RARB: variants seen among roughly 807,000 people sequenced by gnomAD.
RARB encodes the protein retinoic acid receptor beta.
Under a neutral mutation model 51.9 loss-of-function variants are expected in RARB, and 17 were observed. That is an observed-to-expected ratio of 0.33 (90% CI 0.22 to 0.49). RARB has a LOEUF of 0.49. Among genes scored for constraint, RARB ranks in the 20% least tolerant of loss-of-function variants. The pLI is 0.99. For synonymous variants in RARB, 215 were observed against 195.4 expected, an observed-to-expected ratio of 1.10 and a Z score of -0.84; for missense variants, 369 against 550.8, an observed-to-expected ratio of 0.67 and a Z score of 3.30.
At chr3:24,973,322 C>A (rs545657025) in intron 2 of RARB, among the ~76,000 whole-genome samples, 2 of 151,982 alleles carry the variant, frequency 1.3e-5, no homozygotes, top group South Asian at 4.2e-4. Context: ...CTATTCTGTT[C>A]CACTGATCTA....
At chr3:25,063,339 G>A (rs1390809461) in intron 3 of RARB, among the ~76,000 whole-genome samples, 1 of 151,976 alleles carries the variant, frequency 6.6e-6, no homozygotes, top group Non-Finnish European at 1.5e-5. Flanking sequence ...GTATCTCTTT[G>A]TAACTGAGAG....
intron 5 of RARB, among the ~76,000 whole-genome samples, chr3:25,329,475 G>A (rs550271425): frequency 6.6e-6 from 1 of 152,062 alleles, no homozygotes; most frequent in South Asian, 2.1e-4. Context: ...CTAATAAACA[G>A]AAAGGACATC....
Position 25,017,934 on chromosome 3 carries a change from C to G in RARB, c.-379-42191C>G, listed in dbSNP as rs141974832. Among the ~76,000 whole-genome samples, 69 of 152,238 alleles carry G rather than the reference C, an allele frequency of 4.5e-4. 1 individual carries two copies. The East Asian group carries it at 0.012, about 27-fold the overall frequency. On this transcript the variant is annotated intron_variant, in intron 2 of 11. Transcript: ENST00000383772. ...TGAATAGGATTTGTGCCTGGTTTGT[C>G]CCTTCCACCATATGTGCAATGGAAA...
chr3:25,351,102 T>C (rs963580281), intron 5 of RARB, among the ~76,000 whole-genome samples: 2 of 152,188 alleles, frequency 1.3e-5, no homozygotes, highest in African/African-American at 4.8e-5. Flanking sequence ...TTATTTCCAA[T>C]TAAAACTTGG....
At chr3:25,467,613 G>C (rs77662519) in intron 2 of RARB, among the ~76,000 whole-genome samples, 7,261 of 148,562 alleles carry the variant, frequency 0.049, 269 homozygotes, top group East Asian at 0.11. Context: ...AACAAATTGC[G>C]TGACTAAGCT....
intron 5 of RARB, among the ~76,000 whole-genome samples, chr3:25,238,383 C>A (rs948974354): frequency 5.3e-5 from 8 of 152,132 alleles, no homozygotes; most frequent in Admixed American, 2.6e-4. Flanking sequence ...ACCATATAGA[C>A]CAAATTTTCT....
chr3:25,289,473 A>G (rs1429239420), intron 5 of RARB, among the ~76,000 whole-genome samples: 1 of 152,184 alleles, frequency 6.6e-6, no homozygotes, highest in African/African-American at 2.4e-5. Flanking sequence ...GTTCTTGTAT[A>G]TGTTGTCTGA....
chr3:25,305,704 GA>G (rs1451098609), intron 5 of RARB, among the ~76,000 whole-genome samples: 1 of 152,134 alleles, frequency 6.6e-6, no homozygotes, highest in Non-Finnish European at 1.5e-5. Flanking sequence ...CCTAGTGGGG[GA>G]GAAATTCCAT....
chr3:25,101,222 GA>G (rs1408550502), intron 3 of RARB, among the ~76,000 whole-genome samples: 2 of 152,084 alleles, frequency 1.3e-5, no homozygotes, highest in Non-Finnish European at 2.9e-5. Flanking sequence ...TCTAGTCTCA[GA>G]AAAGATGCTT....
At chr3:25,169,409 G>A (rs1465012749) in intron 4 of RARB, among the ~76,000 whole-genome samples, 2 of 152,140 alleles carry the variant, frequency 1.3e-5, no homozygotes, top group African/African-American at 2.4e-5. Flanking sequence ...AATTGCTGGA[G>A]ACTTAGCAAA....
intron 3 of RARB, among the ~76,000 whole-genome samples, chr3:25,104,698 G>T (rs1699465601): frequency 6.6e-6 from 1 of 152,048 alleles, no homozygotes; most frequent in African/African-American, 2.4e-5. Flanking sequence ...TCCCAAACTG[G>T]AAAATATCCA....
rs1015876129 is a variant in RARB at position 24,992,312 on chromosome 3, C to T, written c.-379-67813C>T. Among the ~76,000 whole-genome samples, 3 of 152,090 alleles carry T rather than the reference C, an allele frequency of 2.0e-5. No individual in the cohort carries two copies. The South Asian group carries it at 6.2e-4, about 32-fold the overall frequency. ...ACATATGTTTCTTTTCTGCCTATTC[C>T]TTACCTGGTTTTGACGTCATGATTA... On this transcript the variant is annotated intron_variant, in intron 2 of 11. Coordinates refer to the RARB transcript ENST00000383772.
intron 5 of RARB, among the ~76,000 whole-genome samples, chr3:25,585,948 A>G (rs1701368126): frequency 1.3e-5 from 2 of 152,136 alleles, no homozygotes; most frequent in South Asian, 4.1e-4. Flanking sequence ...GTCAGTGTGG[A>G]GCCAGGACTG....
At chr3:25,038,393 A>G (rs901425211) in intron 2 of RARB, among the ~76,000 whole-genome samples, 1 of 151,942 alleles carries the variant, frequency 6.6e-6, no homozygotes, top group Non-Finnish European at 1.5e-5. Context: ...AGTCTGGGGG[A>G]ATGAGTATGT....
At chr3:25,039,793 A>G (rs1310992189) in intron 2 of RARB, among the ~76,000 whole-genome samples, 1 of 152,220 alleles carries the variant, frequency 6.6e-6, no homozygotes, top group Admixed American at 6.5e-5. Flanking sequence ...CTGTGGGCAT[A>G]GAGATCTCTT....
intron 2 of RARB, among the ~76,000 whole-genome samples, chr3:24,874,949 C>T (rs2125352138): frequency 6.6e-6 from 1 of 152,118 alleles, no homozygotes; most frequent in East Asian, 1.9e-4. Context: ...TAGAAATAGA[C>T]AATTATGCCT....
At chr3:24,937,335 G>T (rs925495340) in intron 2 of RARB, among the ~76,000 whole-genome samples, 1 of 152,104 alleles carries the variant, frequency 6.6e-6, no homozygotes, top group Admixed American at 6.5e-5. Flanking sequence ...CTGGAGAGGG[G>T]CCATCAACAC....
chr3:25,157,985 A>C (rs1700407087), intron 4 of RARB, among the ~76,000 whole-genome samples: 1 of 152,204 alleles, frequency 6.6e-6, no homozygotes, highest in Admixed American at 6.5e-5. Flanking sequence ...AACTTTTCCA[A>C]AGTGTGGTTA....
At chr3:25,262,982 C>G (rs1038601863) in intron 5 of RARB, among the ~76,000 whole-genome samples, 2 of 152,112 alleles carry the variant, frequency 1.3e-5, no homozygotes, top group African/African-American at 4.8e-5. Flanking sequence ...GAATCCCTGC[C>G]TTAAGAGTAA....
Sources: allele counts gnomAD v4.1 joint callset (sites outside exome capture counted in the v4.1 genomes callset), GRCh38; gene constraint gnomAD v4.1.1; transcripts MANE v1.5; gene names NCBI Gene and HGNC (gene_info 2026-07-23, HGNC 2026-07-21).